The following TRPC4 variants were observed in gnomAD, a reference collection of about 807,000 sequenced individuals.
TRPC4 encodes short transient receptor potential channel 4.
A neutral mutation model predicts 99.4 loss-of-function variants in TRPC4; 49 were observed. The observed-to-expected ratio is 0.49, with a 90% CI of 0.39 to 0.63. The LOEUF (loss-of-function observed/expected upper bound fraction) is 0.63, where lower values mean the gene tolerates loss of function less well. Ranked by LOEUF, TRPC4 falls within the 20% of genes least tolerant of loss-of-function variation. TRPC4 has a pLI of 0.00. For missense variants in TRPC4, 898 were observed against 1,152.9 expected, an observed-to-expected ratio of 0.78 and a Z score of 3.20; for synonymous variants, 454 against 425.9, an observed-to-expected ratio of 1.07 and a Z score of -0.81.
Position 37,782,899 on chromosome 13 carries a change from A to C in TRPC4, c.378+57T>G. On this transcript the variant is annotated intron_variant, in intron 2 of 10. Coordinates refer to ENST00000379705, the MANE Select transcript of TRPC4 (RefSeq NM_016179.4). Reference sequence around the variant, plus strand: ...TAAAAAAAAAAAAAGAAAGAAAAGAAAAAACAAAAAACCTTCTGCAGGTAA... The same window carrying C: ...TAAAAAAAAAAAAAGAAAGAAAAGACAAAACAAAAAACCTTCTGCAGGTAA... 10 of 1,410,052 alleles carry C rather than the reference A, an allele frequency of 7.1e-6. No homozygotes were observed. In the South Asian group the frequency reaches 1.3e-4, roughly 18 times the overall value. 87.3% of individuals were successfully genotyped at this position (1,410,052 alleles called of 1,614,324 possible).
chr13:37,763,100 A>C (rs915469583), intron 2 of TRPC4, among the ~76,000 whole-genome samples: 7 of 151,690 alleles, frequency 4.6e-5, no homozygotes, highest in South Asian at 4.1e-4. Context: ...GTTAAAAAAA[A>C]CCTATATAAT....
intron 1 of TRPC4, among the ~76,000 whole-genome samples, chr13:37,793,042 G>A (rs1313198845): frequency 2.6e-5 from 4 of 152,080 alleles, no homozygotes; most frequent in African/African-American, 4.8e-5. Context: ...ACAGGGAAGC[G>A]TGACAAATTA....
At chr13:37,774,611 C>T (rs1270336151) in intron 2 of TRPC4, among the ~76,000 whole-genome samples, 1 of 151,598 alleles carries the variant, frequency 6.6e-6, no homozygotes, top group East Asian at 2.0e-4. Context: ...ATGTATTACA[C>T]CAAGTACCTA....
intron 3 of TRPC4, among the ~76,000 whole-genome samples, chr13:37,717,759 T>G (rs1227992547): frequency 6.6e-6 from 1 of 152,124 alleles, no homozygotes; most frequent in Non-Finnish European, 1.5e-5. Flanking sequence ...AAATTTCTGT[T>G]GCTTAAGCTA....
chr13:37,838,634 A>G (rs916749274), intron 1 of TRPC4, among the ~76,000 whole-genome samples: 1 of 152,218 alleles, frequency 6.6e-6, no homozygotes, highest in Non-Finnish European at 1.5e-5. Context: ...TAAAATCAAA[A>G]GTATCAAAAT....
rs780269340 is a variant in TRPC4, at chr13:37,745,948, G to A, written c.886C>T (p.Arg296Cys). 9.9e-6 allele frequency: 16 copies of A among 1,610,712 alleles called. No individual in the cohort carries two copies. The highest frequency in any genetic ancestry group is 1.3e-5 in the African/African-American group (1 of 74,712). ...CTGGCAACACTCACCTCTTTTTGACGGTACTTAATGGCCAATTTTAGTCTT... is the reference window on the plus strand; with the variant it reads ...CTGGCAACACTCACCTCTTTTTGACAGTACTTAATGGCCAATTTTAGTCTT... ...LARLKLAIKY[R>C]QKEFVAQPNC... Residue 296 changes from arginine (R) to cysteine (C), a missense_variant, in exon 3 of 11, where the codon CGT becomes TGT. Arg to Cys is a radical substitution (Grantham distance 180, BLOSUM62 -3). Around this residue, in one of 3 missense-constraint regions of TRPC4, gnomAD observed 278 missense variants for 346.6 expected, o/e 0.80. Transcript: ENST00000379705.
intron 2 of TRPC4, among the ~76,000 whole-genome samples, chr13:37,764,932 T>C (rs1350280848): frequency 6.6e-6 from 1 of 151,140 alleles, no homozygotes; most frequent in Non-Finnish European, 1.5e-5. Flanking sequence ...ACACTTATAT[T>C]TTTGAGTGAG....
intron 1 of TRPC4, among the ~76,000 whole-genome samples, chr13:37,799,815 T>C (rs1055415212): frequency 6.6e-6 from 1 of 152,224 alleles, no homozygotes; most frequent in African/African-American, 2.4e-5. Context: ...GATACAATAC[T>C]AAATGTTTAC....
At chr13:37,732,744 A>C (rs1375988576) in intron 3 of TRPC4, among the ~76,000 whole-genome samples, 1 of 152,152 alleles carries the variant, frequency 6.6e-6, no homozygotes, top group Admixed American at 6.6e-5. Context: ...ATACCTAAGA[A>C]TATATTTAAC....
At position 37,748,304 on chromosome 13, in the gene TRPC4, CAT is replaced by C. The variant is rs573877890; in HGVS notation, c.379-1851_379-1850del. Among the ~76,000 whole-genome samples, 30 of 152,156 alleles carry C rather than the reference CAT, an allele frequency of 2.0e-4. No homozygotes were observed. In the East Asian group the frequency reaches 5.6e-3, roughly 28 times the overall value. ...CTATATTAGATGTATGTTTAAGTGA[CAT>C]GTAATTTGAAGGCAATTTCTGGATT... is the stretch of plus-strand genomic sequence containing the variant. On this transcript the variant is annotated intron_variant, in intron 2 of 10. Coordinates refer to ENST00000379705, the MANE Select transcript of TRPC4 (RefSeq NM_016179.4).
At chr13:37,741,143 C>T (rs1056635453) in intron 3 of TRPC4, among the ~76,000 whole-genome samples, 1 of 152,132 alleles carries the variant, frequency 6.6e-6, no homozygotes, top group African/African-American at 2.4e-5. Context: ...GGCTACTCTA[C>T]CTTTTAATTA....
At chr13:37,835,542 T>C (rs868617218) in intron 1 of TRPC4, among the ~76,000 whole-genome samples, 2 of 152,166 alleles carry the variant, frequency 1.3e-5, no homozygotes, top group African/African-American at 2.4e-5. Flanking sequence ...TCTTACTAGC[T>C]ACTGAGAACA....
chr13:37,791,607 TCA>T (rs1426864630), intron 1 of TRPC4, among the ~76,000 whole-genome samples: 1 of 152,024 alleles, frequency 6.6e-6, no homozygotes, highest in Admixed American at 6.6e-5. Context: ...TGTCCTGCAC[TCA>T]CAGAGTTTAT....
At chr13:37,818,575 G>A (rs1957928176) in intron 1 of TRPC4, among the ~76,000 whole-genome samples, 3 of 152,100 alleles carry the variant, frequency 2.0e-5, no homozygotes, top group Admixed American at 2.0e-4. Flanking sequence ...TGATAGACTG[G>A]ATAAAGAAAA....
intron 1 of TRPC4, among the ~76,000 whole-genome samples, chr13:37,831,408 A>G (rs1477038115): frequency 6.6e-6 from 1 of 152,242 alleles, no homozygotes; most frequent in Non-Finnish European, 1.5e-5. Context: ...GGATGTAGAG[A>G]AAAGGAAATC....
At chr13:37,803,657 T>C (rs1186136203) in intron 1 of TRPC4, among the ~76,000 whole-genome samples, 2 of 152,082 alleles carry the variant, frequency 1.3e-5, no homozygotes, top group African/African-American at 4.8e-5. Flanking sequence ...CTTATATTAA[T>C]AGCTCATGAT....
chr13:37,706,822 T>C (rs991134014), intron 3 of TRPC4, among the ~76,000 whole-genome samples: 10 of 152,132 alleles, frequency 6.6e-5, no homozygotes, highest in Admixed American at 2.0e-4. Flanking sequence ...ATATTTTAAA[T>C]AGTCATCAAG....
intron 4 of TRPC4, among the ~76,000 whole-genome samples, chr13:37,688,284 G>T (rs1274717827): frequency 6.6e-6 from 1 of 152,148 alleles, no homozygotes; most frequent in Non-Finnish European, 1.5e-5. Flanking sequence ...AAACACAATA[G>T]ATTTAAATAG....
At chr13:37,801,500 T>A (rs1192466045) in intron 1 of TRPC4, among the ~76,000 whole-genome samples, 3 of 152,032 alleles carry the variant, frequency 2.0e-5, no homozygotes, top group African/African-American at 4.8e-5. Flanking sequence ...TTGGGAGAGT[T>A]AAGAAATAAA....
Sources: allele counts gnomAD v4.1 joint callset (sites outside exome capture counted in the v4.1 genomes callset), GRCh38; gene constraint gnomAD v4.1.1; regional missense constraint gnomAD v4.1.1; transcripts MANE v1.5; gene names NCBI Gene and HGNC (gene_info 2026-07-23, HGNC 2026-07-21).